TMEM254: variants seen among roughly 807,000 people sequenced by gnomAD.
TMEM254 encodes transmembrane protein 254, also known as transmembrane protein C10orf57.
In TMEM254, 16 loss-of-function variants were observed where a neutral mutation model predicts 13.9. That is an observed-to-expected ratio of 1.15 (90% confidence interval 0.78 to 1.75). TMEM254 has a LOEUF of 1.75. Among genes scored for constraint, TMEM254 ranks in the 40% most tolerant of loss-of-function variants. The probability of loss-of-function intolerance (pLI) is 0.00; values close to 1 mark genes in which losing one functional copy is unlikely to be tolerated. For missense variants in TMEM254, 155 were observed against 149.0 expected, an observed-to-expected ratio of 1.04 and a Z score of -0.21; for synonymous variants, 61 against 56.4, an observed-to-expected ratio of 1.08 and a Z score of -0.36.
At chr10:80,079,204 G>A (rs1278486792) in intron 1 of TMEM254, 1 of 1,281,392 alleles carries the variant, frequency 7.8e-7, no homozygotes, top group Admixed American at 2.5e-5. Flanking sequence ...GGGGTGGGGC[G>A]GGGCGGGCCT....
chr10:80,088,920 T>G (rs1426922412), intron 3 of TMEM254, among the ~76,000 whole-genome samples: 2 of 152,008 alleles, frequency 1.3e-5, no homozygotes, highest in Admixed American at 1.3e-4. Flanking sequence ...TGTTTTTGTT[T>G]TTGTTTTTTG....
Position 80,078,720 on chromosome 10 carries a change from G to C in TMEM254, c.21G>C (p.Ala7=). 3 of 1,605,602 alleles carry C rather than the reference G, an allele frequency of 1.9e-6. No individual in the cohort carries two copies. The highest frequency in any genetic ancestry group is 2.5e-6 in the Non-Finnish European group (3 of 1,177,148). The change falls in exon 1 of 4, where the codon GCG becomes GCC. Residue 7 remains alanine (A), a synonymous_variant. Coordinates refer to ENST00000372281, the MANE Select transcript of TMEM254 (RefSeq NM_025125.4). ...CAGCCATGGCTACGGCAGCCGGCGCGACCTACTTTCAGCGAGGCAGTCTGT... is the reference window on the plus strand; with the variant it reads ...CAGCCATGGCTACGGCAGCCGGCGCCACCTACTTTCAGCGAGGCAGTCTGT... MATAAG[A]TYFQRGSLFW... is the part of the protein sequence containing the mutation.
intron 1 of TMEM254, 80 bp downstream of exon 1, chr10:80,078,866 G>A (rs1843788453): frequency 6.5e-7 from 1 of 1,536,078 alleles, no homozygotes; most frequent in Admixed American, 2.0e-5. Context: ...CTCACAGGCC[G>A]CGGGCCGGGG....
chr10:80,083,676 TTGA>T, intron 3 of TMEM254, among the ~76,000 whole-genome samples: 1 of 152,280 alleles, frequency 6.6e-6, no homozygotes, highest in East Asian at 1.9e-4. Context: ...AAGGGTGCAG[TTGA>T]TATCTTCTCT....
chr10:80,081,468 A>G (rs1844018057), intron 1 of TMEM254, among the ~76,000 whole-genome samples: 1 of 151,966 alleles, frequency 6.6e-6, no homozygotes, highest in African/African-American at 2.4e-5. Flanking sequence ...GGAGTTGGAA[A>G]CCATCCTGGG....
At chr10:80,084,881 A>G (rs1218850553) in intron 3 of TMEM254, among the ~76,000 whole-genome samples, 2 of 151,778 alleles carry the variant, frequency 1.3e-5, no homozygotes, top group Non-Finnish European at 2.9e-5. Flanking sequence ...GCTGGAGTGC[A>G]GTGGTGCAAT....
At chr10:80,082,954 C>A (rs1844117612) in intron 3 of TMEM254, among the ~76,000 whole-genome samples, 1 of 151,860 alleles carries the variant, frequency 6.6e-6, no homozygotes, top group Non-Finnish European at 1.5e-5. Flanking sequence ...TTTTTCTATT[C>A]TAAAAGTGGA....
At chr10:80,090,230 T>C in intron 3 of TMEM254, 1 of 585,104 alleles carries the variant, frequency 1.7e-6, no homozygotes, top group Non-Finnish European at 3.1e-6. Context: ...TTTTTGCACT[T>C]CATTTTAGGC....
At position 80,090,825 on chromosome 10, in the gene TMEM254, C is replaced by G. The variant is rs1208948990; in HGVS notation, c.280C>G (p.Gln94Glu). The G allele has an allele frequency of 1.7e-5, 28 of 1,614,120 alleles. No homozygotes were observed. The highest frequency in any genetic ancestry group is 2.4e-5 in the Non-Finnish European group (28 of 1,180,020). The change falls in exon 4 of 4, where the codon CAG (glutamine) becomes GAG (glutamate). Residue 94 changes from glutamine to glutamate, a missense_variant. Coordinates refer to ENST00000372281, the MANE Select transcript of TMEM254 (RefSeq NM_025125.4). ...TAAAGGCATCACAAGTGGTCGGGCTCAGCTACTCTGGTTCCTACAGACTTT... is the reference window on the plus strand; with the variant it reads ...TAAAGGCATCACAAGTGGTCGGGCTGAGCTACTCTGGTTCCTACAGACTTT... Reference protein sequence around the residue: ...KHKGITSGRAQLLWFLQTFFF... With the variant: ...KHKGITSGRAELLWFLQTFFF...
At chr10:80,089,685 G>C (rs562560773) in intron 3 of TMEM254, among the ~76,000 whole-genome samples, 1 of 151,484 alleles carries the variant, frequency 6.6e-6, no homozygotes, top group Non-Finnish European at 1.5e-5. Flanking sequence ...CTCTGGGGGG[G>C]TTGGAAAAAG....
In TMEM254 at chr10:80,082,333, C is replaced by A. The variant is rs1008139723; in HGVS notation, c.251+129C>A. 6 of 1,029,854 alleles carry A rather than the reference C, an allele frequency of 5.8e-6. No homozygotes were observed. In the African/African-American group the frequency reaches 9.6e-5, roughly 17 times the overall value. The allele number at this position is 1,029,854 out of a possible 1,614,324, so 63.8% of individuals were successfully genotyped here. A position where few individuals can be genotyped will look rare whatever the true frequency, so the allele number is the denominator to read the frequency against. On this transcript the variant is annotated intron_variant, in intron 3 of 3. Transcript: ENST00000372281. ...CTCAGGGTAGAGCGGAATCCCCATG[C>A]CTGATACTGAGCCTGGAGCAGAGGC...
intron 3 of TMEM254, chr10:80,090,531 T>C (rs1321248193): frequency 1.4e-6 from 1 of 696,380 alleles, no homozygotes; most frequent in Non-Finnish European, 2.7e-6. Context: ...CAGAATCACA[T>C]GAGAAACAGT....
intron 3 of TMEM254, among the ~76,000 whole-genome samples, chr10:80,083,776 GC>G (rs1844172227): frequency 1.3e-5 from 2 of 152,042 alleles, no homozygotes; most frequent in East Asian, 3.9e-4. Flanking sequence ...ACAAGGCTCA[GC>G]CTTAAATAGC....
At chr10:80,081,576 G>A (rs145830052) in intron 1 of TMEM254, 11,942 of 1,017,574 alleles carry the variant, frequency 0.012, 115 homozygotes, top group Middle Eastern at 0.023. Context: ...GCTGAGGTGG[G>A]AGGATGGATT....
At chr10:80,079,470 T>G (rs987579965) in intron 1 of TMEM254, 1 of 1,036,102 alleles carries the variant, frequency 9.7e-7, no homozygotes, top group Non-Finnish European at 1.2e-6. Context: ...CAAGTCAGAA[T>G]AGGGCTTCCG....
chr10:80,081,911 T>C lies in TMEM254; in HGVS notation c.158T>C (p.Leu53Ser). Residue 53 changes from leucine to serine, a missense_variant, in exon 2 of 4, where the codon TTG (leucine) becomes TCG (serine). Transcript: ENST00000372281. The stretch of plus-strand genomic sequence containing the variant: ...CCCCTGGGCCCCTTCACTCAGTACT[T>C]GGTGGACCACCATCACACCCTCCTG... The part of the protein sequence containing the change: ...LGPLGPFTQY[L>S]VDHHHTLLCN... 6.2e-7 allele frequency: 1 copy of C among 1,614,174 alleles called. No individual in the cohort carries two copies. Among genetic ancestry groups the C allele is most frequent in the Non-Finnish European group, 8.5e-7 (1 of 1,180,026 alleles).
intron 1 of TMEM254, chr10:80,079,203 C>CGGGGGGGGGGGGGGGGGGGG: frequency 2.9e-6 from 1 of 345,658 alleles, no homozygotes; most frequent in South Asian, 2.7e-5. Flanking sequence ...TGGGGTGGGG[C>CGGGGGGGGGGGGGGGGGGGG]GGGGCGGGCC....
At chr10:80,079,081 A>G (rs1298955661) in intron 1 of TMEM254, 1 of 1,421,066 alleles carries the variant, frequency 7.0e-7, no homozygotes, top group East Asian at 3.5e-5. Flanking sequence ...GGGTTTTTCA[A>G]GAGGATGGTG....
At position 80,081,843 on chromosome 10, in the gene TMEM254, G is replaced by C. The variant is rs1439759391; in HGVS notation, c.90G>C (p.Trp30Cys). 1.2e-6 allele frequency: 2 copies of C among 1,614,184 alleles called. No individual in the cohort carries two copies. The highest frequency in any genetic ancestry group is 3.3e-5 in the Admixed American group (2 of 60,002). ...VITLSFGYYT[W>C]VVFWPQSIPY... ...CTGTGTCTCTGCTTCTCTTTCAGTG[G>C]GTTGTCTTCTGGCCTCAGAGTATCC... The change falls in exon 2 of 4, where the codon TGG (tryptophan) becomes TGC (cysteine). Residue 30 changes from tryptophan to cysteine, a missense_variant and splice_region_variant. Coordinates refer to ENST00000372281, the MANE Select transcript of TMEM254 (RefSeq NM_025125.4).
Sources: gnomAD v4.1 joint callset for allele counts (sites outside exome capture counted in the v4.1 genomes callset) on GRCh38, gnomAD v4.1.1 for gene constraint, MANE v1.5 for transcripts, NCBI Gene and HGNC (gene_info 2026-07-23, HGNC 2026-07-21) for gene names.